The following SEMA3D variants were observed in gnomAD, a reference collection of about 807,000 sequenced individuals.
The protein encoded by SEMA3D is semaphorin 3D.
SEMA3D carries 84 observed loss-of-function variants against 100.1 expected under a neutral mutation model. That is an observed-to-expected ratio of 0.84 (90% CI 0.70 to 1.01). SEMA3D has a LOEUF of 1.01. SEMA3D is among the 50% of genes least tolerant of loss of function. The pLI is 0.00. For synonymous variants in SEMA3D, 312 were observed against 320.7 expected (o/e 0.97, Z 0.29); for missense variants, 875 against 934.1 (o/e 0.94, Z 0.82).
intron 3 of SEMA3D, among the ~76,000 whole-genome samples, chr7:85,101,856 A>G (rs933798927): frequency 6.6e-6 from 1 of 152,062 alleles, no homozygotes; most frequent in Non-Finnish European, 1.5e-5. Flanking sequence ...TGGGCCAAAT[A>G]AGATATATTT....
At chr7:85,036,772 C>A in intron 12 of SEMA3D, 117 bp downstream of exon 12, 4 of 769,452 alleles carry the variant, frequency 5.2e-6, no homozygotes, top group South Asian at 2.5e-5. Context: ...TACTTCACTG[C>A]AAATAAATGT....
chr7:85,039,464 G>A (rs1367479986), intron 11 of SEMA3D, among the ~76,000 whole-genome samples: 1 of 152,100 alleles, frequency 6.6e-6, no homozygotes, highest in Non-Finnish European at 1.5e-5. Context: ...TCACCATGCT[G>A]GGGAGGCTGG....
intron 11 of SEMA3D, among the ~76,000 whole-genome samples, chr7:85,037,274 C>T (rs918587159): frequency 6.6e-6 from 1 of 152,074 alleles, no homozygotes; most frequent in African/African-American, 2.4e-5. Context: ...TGCATGGGTA[C>T]CCAGTATAGG....
intron 16 of SEMA3D, 151 bp from the exon 17 acceptor site, chr7:85,012,997 A>T: frequency 1.9e-6 from 1 of 525,986 alleles, no homozygotes; most frequent in South Asian, 3.0e-5. Flanking sequence ...AATCAATCTA[A>T]CATTGATTTA....
chr7:85,077,315 A>T (rs1380868453), intron 5 of SEMA3D, among the ~76,000 whole-genome samples: 1 of 152,158 alleles, frequency 6.6e-6, no homozygotes, highest in Admixed American at 6.5e-5. Flanking sequence ...AAGTGTATAC[A>T]TCAAATAAGG....
intron 3 of SEMA3D, among the ~76,000 whole-genome samples, chr7:85,103,930 G>A (rs914452258): frequency 2.0e-5 from 3 of 151,934 alleles, no homozygotes; most frequent in Non-Finnish European, 2.9e-5. Context: ...TCCGAGGATC[G>A]AATTTCATAT....
At chr7:85,169,268 T>G (rs1791019619) in intron 1 of SEMA3D, among the ~76,000 whole-genome samples, 1 of 151,720 alleles carries the variant, frequency 6.6e-6, no homozygotes, top group African/African-American at 2.4e-5. Flanking sequence ...GTTAAACAAG[T>G]TTTAACAAAA....
At chr7:85,062,718 T>G (rs910642946) in intron 8 of SEMA3D, among the ~76,000 whole-genome samples, 19 of 152,152 alleles carry the variant, frequency 1.2e-4, no homozygotes, top group African/African-American at 4.3e-4. Context: ...CATATCTTGA[T>G]TTTTATATAA....
intron 2 of SEMA3D, among the ~76,000 whole-genome samples, chr7:85,147,778 A>G (rs1187043065): frequency 6.6e-6 from 1 of 152,146 alleles, no homozygotes; most frequent in Non-Finnish European, 1.5e-5. Context: ...TTGTAGTTAT[A>G]TATGAAATAA....
intron 9 of SEMA3D, among the ~76,000 whole-genome samples, 187 bp from the exon 10 acceptor site, chr7:85,042,472 T>C (rs1007963309): frequency 6.6e-6 from 1 of 152,098 alleles, no homozygotes; most frequent in Non-Finnish European, 1.5e-5. Flanking sequence ...TTAAATGTTT[T>C]TCTCATAGTT....
At chr7:85,121,710 T>C (rs372384543) in intron 3 of SEMA3D, 31 bp downstream of exon 3, 42 of 1,229,688 alleles carry the variant, frequency 3.4e-5, no homozygotes, top group Admixed American at 7.9e-5. Context: ...AAAATCTTAA[T>C]AAACAATTTA....
chr7:85,214,461 A>C, the SEMA3D span, among the ~76,000 whole-genome samples: 2 of 152,192 alleles, frequency 1.3e-5, no homozygotes. Context: ...GAAGGAGGGA[A>C]TGAGATGTGT....
intron 7 of SEMA3D, among the ~76,000 whole-genome samples, chr7:85,067,011 C>T (rs1486622527): frequency 1.3e-5 from 2 of 151,370 alleles, no homozygotes; most frequent in Admixed American, 6.6e-5. Flanking sequence ...TATTTCCCTA[C>T]AATGTATCAG....
At chr7:85,068,160 A>T in intron 7 of SEMA3D, 31 bp downstream of exon 7, 1 of 1,241,410 alleles carries the variant, frequency 8.1e-7, no homozygotes, top group Non-Finnish European at 1.2e-6. Flanking sequence ...AAAACCATTT[A>T]AGGATAAGAA....
intron 1 of SEMA3D, among the ~76,000 whole-genome samples, chr7:85,170,372 A>G (rs1378872202): frequency 1.3e-5 from 2 of 151,866 alleles, no homozygotes; most frequent in African/African-American, 4.8e-5. Flanking sequence ...CTGACCTCAG[A>G]CTTCTATGTA....
chr7:85,047,323 G>T (rs566187849), intron 9 of SEMA3D, among the ~76,000 whole-genome samples: 60 of 151,732 alleles, frequency 4.0e-4, no homozygotes, highest in African/African-American at 1.4e-3. Context: ...CCTAAAGCAG[G>T]GTAATATGGC....
intron 1 of SEMA3D, among the ~76,000 whole-genome samples, chr7:85,180,528 C>T (rs1031184577): frequency 6.6e-6 from 1 of 152,162 alleles, no homozygotes; most frequent in East Asian, 1.9e-4. Context: ...TTAAATATAA[C>T]ATTTAAGATA....
intron 2 of SEMA3D, among the ~76,000 whole-genome samples, chr7:85,138,368 A>G (rs1350601814): frequency 6.6e-6 from 1 of 151,830 alleles, no homozygotes; most frequent in Non-Finnish European, 1.5e-5. Flanking sequence ...TGCTCACTGC[A>G]ACCTCTGCCT....
chr7:85,237,935 T>C, the SEMA3D span, among the ~76,000 whole-genome samples: 2 of 152,236 alleles, frequency 1.3e-5, no homozygotes, highest in Admixed American at 1.3e-4. Flanking sequence ...CATTTGGTGT[T>C]GTCAGTGTTT....
Sources: allele counts gnomAD v4.1 joint callset (sites outside exome capture counted in the v4.1 genomes callset), GRCh38; gene constraint gnomAD v4.1.1; transcripts MANE v1.5; gene names NCBI Gene and HGNC (gene_info 2026-07-23, HGNC 2026-07-21).